The following NR4A1 variants were observed in gnomAD, a reference collection of about 807,000 sequenced individuals.
The protein encoded by NR4A1 is nuclear receptor subfamily 4 group A member 1.
In NR4A1, 24 loss-of-function variants were observed where a neutral mutation model predicts 47.5. The observed-to-expected ratio is 0.50, with a 90% CI of 0.37 to 0.71. The LOEUF is 0.71. Ranked by LOEUF, NR4A1 falls within the 30% of genes least tolerant of loss-of-function variation. The pLI is 0.00. For synonymous variants in NR4A1, 353 were observed against 345.7 expected, an observed-to-expected ratio of 1.02 and a Z score of -0.24; for missense variants, 669 against 788.6, an observed-to-expected ratio of 0.85 and a Z score of 1.82.
chr12:52,056,964 G>A (rs145066806), intron 4 of NR4A1, 93 bp from the exon 5 acceptor site: 296 of 1,222,368 alleles, frequency 2.4e-4, no homozygotes, highest in Non-Finnish European at 3.2e-4. Flanking sequence ...TCCCACTCCC[G>A]GGATCTGGCA....
chr12:52,045,896 T>C (rs571883490), intron 2 of NR4A1, among the ~76,000 whole-genome samples: 1 of 152,264 alleles, frequency 6.6e-6, no homozygotes, highest in South Asian at 2.1e-4. Context: ...CCCAGGGCAG[T>C]AGGCAGTGCT....
intron 1 of NR4A1, chr12:52,038,435 T>A (rs1372722543): frequency 2.7e-6 from 1 of 370,482 alleles, no homozygotes; most frequent in African/African-American, 2.1e-5. Context: ...AGAGGTGGTT[T>A]ATTTACAGTG....
chr12:52,052,163 C>G (rs2701125), intron 1 of NR4A1, among the ~76,000 whole-genome samples: 22,686 of 151,706 alleles, frequency 0.15, 2,416 homozygotes, highest in African/African-American at 0.31. Context: ...TGGTGGCTGA[C>G]CTGTGGAGGG....
intron 1 of NR4A1, among the ~76,000 whole-genome samples, chr12:52,026,474 G>C (rs1322929350): frequency 2.0e-5 from 3 of 152,154 alleles, no homozygotes; most frequent in Non-Finnish European, 2.9e-5. Context: ...CTCATGCCAG[G>C]AACTCTTTAA....
At chr12:52,026,802 C>A (rs900823244) in intron 1 of NR4A1, among the ~76,000 whole-genome samples, 1 of 152,044 alleles carries the variant, frequency 6.6e-6, no homozygotes, top group African/African-American at 2.4e-5. Flanking sequence ...AACCACCCAC[C>A]AAACTAGGCC....
At chr12:52,037,205 G>T (rs1157552397) in intron 1 of NR4A1, 5 of 218,818 alleles carry the variant, frequency 2.3e-5, no homozygotes, top group Non-Finnish European at 3.0e-5. Flanking sequence ...GCGCCGCGCG[G>T]CCGGAACTGC....
chr12:52,053,970 C>G, intron 1 of NR4A1: 1 of 236,802 alleles, frequency 4.2e-6, no homozygotes, highest in Non-Finnish European at 8.2e-6. Flanking sequence ...CCCCACCATG[C>G]CTTCCCCATG....
chr12:52,027,764 C>T (rs140094244), intron 1 of NR4A1, among the ~76,000 whole-genome samples: 1 of 152,358 alleles, frequency 6.6e-6, no homozygotes, highest in Non-Finnish European at 1.5e-5. Flanking sequence ...GGCACCCACA[C>T]ACTCTGATGC....
At position 52,058,802 on chromosome 12, in the gene NR4A1, T is replaced by C. The variant is rs374724451; in HGVS notation, c.1655T>C (p.Leu552Pro). Reference protein sequence around the residue: ...VAGEPQPASCLSRLLGKLPEL... With the variant: ...VAGEPQPASCPSRLLGKLPEL... ...GGCGAGCCCCAGCCAGCCAGCTGCCTGTCACGTCTGTTGGGCAAACTGCCC... is the reference window on the plus strand; with the variant it reads ...GGCGAGCCCCAGCCAGCCAGCTGCCCGTCACGTCTGTTGGGCAAACTGCCC... Residue 552 changes from leucine to proline, a missense_variant, in exon 7 of 7, where the codon CTG becomes CCG. Coordinates refer to ENST00000394825, the MANE Select transcript of NR4A1 (RefSeq NM_173157.3). The C allele has an allele frequency of 2.1e-5, 34 of 1,613,360 alleles. No individual in the cohort carries two copies. The highest frequency in any genetic ancestry group is 2.9e-5 in the Non-Finnish European group (34 of 1,179,910).
intron 6 of NR4A1, 22 bp downstream of exon 6, chr12:52,057,552 A>G (rs1486747677): frequency 6.2e-7 from 1 of 1,612,840 alleles, no homozygotes; most frequent in Non-Finnish European, 8.5e-7. Flanking sequence ...GCACCACACC[A>G]GGTCCAAGGG....
Position 52,054,505 on chromosome 12 carries a change from C to T in NR4A1, c.177C>T (p.Gly59=). 6.2e-7 allele frequency: 1 copy of T among 1,613,992 alleles called. No homozygotes were observed. Among genetic ancestry groups the T allele is most frequent in the Non-Finnish European group, 8.5e-7 (1 of 1,179,966 alleles). Residue 59 remains glycine (G), a synonymous_variant, in exon 2 of 7, where the codon GGC becomes GGT. Coordinates refer to ENST00000394825, the MANE Select transcript of NR4A1 (RefSeq NM_173157.3). ...ALPSFSTFMD[G]YTGEFDTFLY... is the part of the protein sequence containing the mutation. ...CCAGCTTCAGCACCTTCATGGACGG[C>T]TACACAGGAGAGTTTGACACCTTCC...
At chr12:52,044,009 GGGGA>G (rs1333877862) in intron 2 of NR4A1, 1 of 1,097,572 alleles carries the variant, frequency 9.1e-7, no homozygotes, top group Non-Finnish European at 1.2e-6. Context: ...CTTGGGCTGC[GGGGA>G]GGAAGCAAGG....
chr12:52,051,902 G>C (rs893011426), intron 1 of NR4A1, among the ~76,000 whole-genome samples: 1 of 152,070 alleles, frequency 6.6e-6, no homozygotes, highest in Admixed American at 6.5e-5. Flanking sequence ...GGTGGGTGTG[G>C]ATGGGGGTCA....
At chr12:52,052,673 A>T (rs926857348) in intron 1 of NR4A1, 3 of 984,992 alleles carry the variant, frequency 3.0e-6, no homozygotes, top group Admixed American at 6.2e-5. Flanking sequence ...GTTGTTAAGA[A>T]CCTGCATGAA....
At chr12:52,029,570 C>T (rs1161746220) in intron 1 of NR4A1, among the ~76,000 whole-genome samples, 2 of 152,158 alleles carry the variant, frequency 1.3e-5, no homozygotes, top group Non-Finnish European at 2.9e-5. Flanking sequence ...CACCTGTAGT[C>T]CCAGCTACTT....
At chr12:52,045,552 T>C (rs1938600966) in intron 2 of NR4A1, 1 of 452,428 alleles carries the variant, frequency 2.2e-6, no homozygotes, top group Admixed American at 2.4e-5. Flanking sequence ...TCCTTTCCAT[T>C]GTGAACTGAA....
At chr12:52,036,848 C>T (rs1232171126) in intron 1 of NR4A1, among the ~76,000 whole-genome samples, 1 of 152,226 alleles carries the variant, frequency 6.6e-6, no homozygotes, top group Non-Finnish European at 1.5e-5. Context: ...CTCTTTCCAC[C>T]TCTTCCTGGG....
Position 52,055,579 on chromosome 12 carries a change from AAGGATCCCTGCGG to A in NR4A1, c.876+379_876+391del, listed in dbSNP as rs139532058. 1,108 of 498,812 alleles carry A rather than the reference AAGGATCCCTGCGG, an allele frequency of 2.2e-3. 8 individuals carry two copies. The highest frequency in any genetic ancestry group is 0.02 in the African/African-American group (1,024 of 51,568). 30.9% of individuals were successfully genotyped at this position (498,812 alleles called of 1,614,324 possible). On this transcript the variant is annotated intron_variant, in intron 2 of 6. Transcript: ENST00000394825. Reference sequence around the variant, plus strand: ...CTCTCATGTTCCTGGCGTGAGATGAAAGGATCCCTGCGGAGGGTTTGGTTCTTGAGGGCTGGGG... The same window carrying A: ...CTCTCATGTTCCTGGCGTGAGATGAAAGGGTTTGGTTCTTGAGGGCTGGGG...
Position 52,054,926 on chromosome 12 carries a change from C to G in NR4A1, c.598C>G (p.Pro200Ala), listed in dbSNP as rs1258994095. Residue 200 changes from proline (P) to alanine (A), a missense_variant, in exon 2 of 7, where the codon CCC becomes GCC. Pro to Ala is a conservative substitution (Grantham distance 27). Transcript: ENST00000394825. ...CTTCAGTCCTCCCACCGGCCCCAGC[C>G]CCAGCCTGGCCCAGAGCCCCCTGAA... Reference protein sequence around the residue: ...FSFSPPTGPSPSLAQSPLKLF... With the variant: ...FSFSPPTGPSASLAQSPLKLF... The G allele has an allele frequency of 6.2e-7, 1 of 1,614,216 alleles. No homozygotes were observed. Among genetic ancestry groups the G allele is most frequent in the South Asian group, 1.1e-5 (1 of 91,086 alleles).
Sources: allele counts gnomAD v4.1 joint callset (sites outside exome capture counted in the v4.1 genomes callset), GRCh38; gene constraint gnomAD v4.1.1; transcripts MANE v1.5; gene names NCBI Gene and HGNC (gene_info 2026-07-23, HGNC 2026-07-21).